DLG5: variants seen among roughly 807,000 people sequenced by gnomAD.
The protein encoded by DLG5 is disks large homolog 5.
Under a neutral mutation model 189.8 loss-of-function variants are expected in DLG5, and 48 were observed. The ratio of observed to expected loss-of-function variants is 0.25; its 90% CI spans 0.20 to 0.32. DLG5 has a LOEUF of 0.32. DLG5 is among the 10% of genes least tolerant of loss of function. The pLI is 1.00. For missense variants in DLG5, 2,160 were observed against 2,544.7 expected (o/e 0.85, Z 3.25); for synonymous variants, 1,016 against 1,054.1 (o/e 0.96, Z 0.70).
At chr10:77,841,727 G>T (rs941601155) in intron 7 of DLG5, among the ~76,000 whole-genome samples, 154 bp downstream of exon 7, 2 of 152,224 alleles carry the variant, frequency 1.3e-5, no homozygotes, top group Non-Finnish European at 2.9e-5. Context: ...AGCTCAGGCA[G>T]TGTCTGATAA....
chr10:77,898,824 T>C (rs912088955), intron 1 of DLG5, among the ~76,000 whole-genome samples: 1 of 152,058 alleles, frequency 6.6e-6, no homozygotes, highest in Admixed American at 6.5e-5. Flanking sequence ...CACCAAATGC[T>C]AGATGCAAAG....
chr10:77,808,293 G>A (rs1403531627), intron 24 of DLG5, among the ~76,000 whole-genome samples: 1 of 152,028 alleles, frequency 6.6e-6, no homozygotes, highest in Non-Finnish European at 1.5e-5. Context: ...TCTGAAACAG[G>A]GTCTCCCTCT....
chr10:77,912,980 C>T (rs189327107), intron 1 of DLG5, among the ~76,000 whole-genome samples: 1 of 152,192 alleles, frequency 6.6e-6, no homozygotes, highest in Non-Finnish European at 1.5e-5. Context: ...GCTCAAGGGA[C>T]AAGCTCCAAG....
chr10:77,929,513 G>C (rs1316921034), upstream of DLG5: 1 of 152,216 alleles, frequency 6.6e-6, no homozygotes, highest in Non-Finnish European at 1.5e-5. Context: ...TAGGGTCTTT[G>C]CAGATGTAAT....
chr10:77,867,822 G>T, intron 2 of DLG5: 1 of 412,634 alleles, frequency 2.4e-6, no homozygotes, highest in South Asian at 1.8e-5. Context: ...AGCAGTTATT[G>T]CTGATGGTGA....
At chr10:77,863,644 C>G (rs1844559944) in intron 2 of DLG5, among the ~76,000 whole-genome samples, 1 of 152,236 alleles carries the variant, frequency 6.6e-6, no homozygotes, top group Non-Finnish European at 1.5e-5. Flanking sequence ...CTTCTGGACT[C>G]AAATGCAAAG....
At chr10:77,939,757 C>G in the DLG5 span, among the ~76,000 whole-genome samples, 168 of 152,296 alleles carry the variant, frequency 1.1e-3, no homozygotes, top group South Asian at 0.017. Context: ...CTCTATGCAG[C>G]TTTACTGGAG....
intron 9 of DLG5, among the ~76,000 whole-genome samples, 182 bp from the exon 10 acceptor site, chr10:77,831,055 G>GT (rs1386610214): frequency 1.3e-5 from 2 of 152,134 alleles, no homozygotes; most frequent in Admixed American, 6.6e-5. Context: ...TTTCACAGTG[G>GT]TTTTTTAAAA....
intron 24 of DLG5, 83 bp downstream of exon 24, chr10:77,809,464 C>T: frequency 3.4e-6 from 5 of 1,452,796 alleles, no homozygotes; most frequent in South Asian, 1.3e-5. Context: ...TGTACTCCTC[C>T]GTCTTTGGTG....
intron 7 of DLG5, 141 bp from the exon 8 acceptor site, chr10:77,836,063 A>G: frequency 1.2e-6 from 1 of 827,376 alleles, no homozygotes; most frequent in South Asian, 2.0e-5. Context: ...AGCACACCCC[A>G]TACCCCCAGT....
chr10:77,897,498 AATAAAC>A (rs1469875339), intron 1 of DLG5, among the ~76,000 whole-genome samples: 1 of 152,228 alleles, frequency 6.6e-6, no homozygotes, highest in Non-Finnish European at 1.5e-5. Context: ...CTTTCCTCTT[AATAAAC>A]TAATGTTTAG....
intron 1 of DLG5, among the ~76,000 whole-genome samples, chr10:77,883,255 G>A (rs755590507): frequency 2.0e-5 from 3 of 152,166 alleles, no homozygotes; most frequent in African/African-American, 7.2e-5. Context: ...CATGGGGTAC[G>A]GGTAGGGAGA....
intron 20 of DLG5, among the ~76,000 whole-genome samples, chr10:77,812,925 G>A (rs1471846407): frequency 1.3e-5 from 2 of 152,238 alleles, no homozygotes; most frequent in African/African-American, 4.8e-5. Context: ...TGCTGCCCTG[G>A]GGCTGTACAG....
chr10:77,910,908 G>C (rs150269306), intron 1 of DLG5, among the ~76,000 whole-genome samples: 1 of 150,924 alleles, frequency 6.6e-6, no homozygotes, highest in East Asian at 2.0e-4. Flanking sequence ...GAAGTCAGAG[G>C]TTGCAGTGAG....
At chr10:77,925,828 A>T (rs1048045995) in intron 1 of DLG5, among the ~76,000 whole-genome samples, 1 of 152,162 alleles carries the variant, frequency 6.6e-6, no homozygotes, top group African/African-American at 2.4e-5. Context: ...CCCAAGTCCC[A>T]TTCTTCTGGA....
At chr10:77,907,093 A>G (rs1243653854) in intron 1 of DLG5, among the ~76,000 whole-genome samples, 2 of 152,202 alleles carry the variant, frequency 1.3e-5, no homozygotes, top group Non-Finnish European at 2.9e-5. Context: ...TAAACACTCA[A>G]TCTCTGTGCT....
chr10:77,821,989 T>C lies in DLG5; in HGVS notation c.2495A>G (p.Lys832Arg). 6.2e-7 allele frequency: 1 copy of C among 1,614,244 alleles called. No homozygotes were observed. Reference sequence around the variant, plus strand: ...GTTATTGTGCTGTATCAAGTTCCGTTTGTTATGAGCCTGGACCTCCGGGCC... The same window carrying C: ...GTTATTGTGCTGTATCAAGTTCCGTCTGTTATGAGCCTGGACCTCCGGGCC... ...AHGPEVQAHN[K>R]RNLIQHNNST... Residue 832 changes from lysine (K) to arginine (R), a missense_variant, in exon 15 of 32, where the codon AAA becomes AGA. By Grantham distance (26) the Lys-to-Arg change is conservative. Transcript: ENST00000372391.
Position 77,842,048 on chromosome 10 carries a change from C to T in DLG5, c.1270G>A (p.Glu424Lys). ...TACTCGCTGTACACAGCGTCCCGCTCCTCCCTGTATTTCTCCGACTCCTTT... is the reference window on the plus strand; with the variant it reads ...TACTCGCTGTACACAGCGTCCCGCTTCTCCCTGTATTTCTCCGACTCCTTT... ...TAKESEKYREERDAVYSEYKL... is the reference protein window; with the variant it reads ...TAKESEKYREKRDAVYSEYKL... The change falls in exon 7 of 32, where the codon GAG becomes AAG. Residue 424 changes from glutamate to lysine, a missense_variant. This residue lies in a region of DLG5 where 664 missense variants were observed against 838.5 expected (regional missense o/e 0.79). Coordinates refer to ENST00000372391, the MANE Select transcript of DLG5 (RefSeq NM_004747.4). The T allele has an allele frequency of 3.7e-6, 6 of 1,614,218 alleles. No homozygotes were observed. The highest frequency in any genetic ancestry group is 5.1e-6 in the Non-Finnish European group (6 of 1,180,062).
At chr10:77,858,646 ATAAAT>A (rs1844348340) in intron 2 of DLG5, among the ~76,000 whole-genome samples, 1 of 152,212 alleles carries the variant, frequency 6.6e-6, no homozygotes, top group Non-Finnish European at 1.5e-5. Context: ...TCTAAAAAAA[ATAAAT>A]TAAAAGATTA....
Sources: allele counts gnomAD v4.1 joint callset (sites outside exome capture counted in the v4.1 genomes callset), GRCh38; gene constraint gnomAD v4.1.1; regional missense constraint gnomAD v4.1.1; transcripts MANE v1.5; gene names NCBI Gene and HGNC (gene_info 2026-07-23, HGNC 2026-07-21).